MSRA: variants seen among roughly 807,000 people sequenced by gnomAD.
MSRA encodes the protein mitochondrial peptide methionine sulfoxide reductase.
In MSRA, 54 loss-of-function variants were observed where a neutral mutation model predicts 31.3. The observed-to-expected ratio is 1.73, with a 90% CI of 1.39 to 2.17. MSRA has a LOEUF of 2.17. MSRA is among the 30% of genes most tolerant of loss of function. The probability of loss-of-function intolerance (pLI) is 0.00; values close to 1 mark genes in which losing one functional copy is unlikely to be tolerated. For synonymous variants in MSRA, 169 were observed against 116.5 expected, an observed-to-expected ratio of 1.45 and a Z score of -2.90; for missense variants, 507 against 300.9, an observed-to-expected ratio of 1.69 and a Z score of -5.07.
At chr8:10,346,244 C>G (rs1803766905) in intron 5 of MSRA, among the ~76,000 whole-genome samples, 1 of 152,192 alleles carries the variant, frequency 6.6e-6, no homozygotes, top group Admixed American at 6.5e-5. Context: ...TTCACTGAAC[C>G]TAGTCCTGAA....
At chr8:10,421,228 G>A (rs1414568869) in intron 5 of MSRA, among the ~76,000 whole-genome samples, 1 of 152,176 alleles carries the variant, frequency 6.6e-6, no homozygotes. Context: ...GCTGGCCTCG[G>A]CTGCTGACCG....
At chr8:10,356,924 G>C (rs996920103) in intron 5 of MSRA, among the ~76,000 whole-genome samples, 1 of 146,360 alleles carries the variant, frequency 6.8e-6, no homozygotes, top group South Asian at 2.2e-4. Flanking sequence ...ATGTGTCTTT[G>C]AAGTCTCCTT....
At chr8:10,334,447 G>T (rs1039152036) in intron 5 of MSRA, among the ~76,000 whole-genome samples, 1 of 151,970 alleles carries the variant, frequency 6.6e-6, no homozygotes, top group Non-Finnish European at 1.5e-5. Flanking sequence ...CGGGGGGGAG[G>T]TGCAGGGACG....
intron 2 of MSRA, among the ~76,000 whole-genome samples, chr8:10,211,094 G>A (rs1329295551): frequency 6.6e-6 from 1 of 151,982 alleles, no homozygotes; most frequent in Non-Finnish European, 1.5e-5. Flanking sequence ...GAATGCTACC[G>A]AAATAAGAAC....
intron 2 of MSRA, among the ~76,000 whole-genome samples, chr8:10,226,691 A>G (rs1811030090): frequency 6.6e-6 from 1 of 152,174 alleles, no homozygotes; most frequent in Non-Finnish European, 1.5e-5. Context: ...GTGTGCATAT[A>G]TGAGTATATA....
At chr8:10,386,925 C>T (rs1168587332) in intron 5 of MSRA, among the ~76,000 whole-genome samples, 5 of 150,606 alleles carry the variant, frequency 3.3e-5, no homozygotes, top group African/African-American at 1.2e-4. Context: ...AAATTAGCCC[C>T]AAAGGCATGG....
intron 4 of MSRA, among the ~76,000 whole-genome samples, chr8:10,310,373 C>T (rs941187029): frequency 1.3e-5 from 2 of 152,226 alleles, no homozygotes; most frequent in African/African-American, 2.4e-5. Flanking sequence ...ATTGTTCTTT[C>T]AGTCACACTT....
chr8:10,162,865 C>T lies in MSRA; in HGVS notation c.143-44968C>T, dbSNP rs552802257. On this transcript the variant is annotated intron_variant, in intron 1 of 5. Transcript: ENST00000317173. The stretch of plus-strand genomic sequence containing the variant: ...GGAGAACTCATTGGAGCCCTCCCCG[C>T]CTCAGCCACGACAGTCGTGTGTAAA... Among the ~76,000 whole-genome samples the T allele has an allele frequency of 2.0e-5, 3 of 152,290 alleles. No homozygotes were observed. The East Asian group carries it at 5.8e-4, about 29-fold the overall frequency.
chr8:10,334,793 CACTT>C (rs1182369380), intron 5 of MSRA, among the ~76,000 whole-genome samples: 8 of 152,230 alleles, frequency 5.3e-5, no homozygotes, highest in African/African-American at 1.4e-4. Flanking sequence ...TCCCGCTTTG[CACTT>C]ACTTCAAAAT....
intron 1 of MSRA, among the ~76,000 whole-genome samples, chr8:10,197,181 T>G (rs575253155): frequency 6.6e-6 from 1 of 152,188 alleles, no homozygotes; most frequent in Non-Finnish European, 1.5e-5. Flanking sequence ...AGGAATTACT[T>G]GTGTTAATAG....
Position 10,245,208 on chromosome 8 carries a change from A to G in MSRA, c.316A>G (p.Lys106Glu). ...AGGYTSNPTY[K>E]EVCSEKTGHA... is the part of the protein sequence containing the mutation. ...AGGCTATACTTCAAATCCTACTTAT[A>G]AAGAAGTCTGCTCAGGTAGGAAGAA... The change falls in exon 3 of 6, where the codon AAA becomes GAA. Residue 106 changes from lysine to glutamate, a missense_variant. Transcript: ENST00000317173. 1 of 1,613,362 alleles carries G rather than the reference A, an allele frequency of 6.2e-7. No individual in the cohort carries two copies. The highest frequency in any genetic ancestry group is 8.5e-7 in the Non-Finnish European group (1 of 1,179,604).
At chr8:10,416,937 C>T (rs1458073085) in intron 5 of MSRA, among the ~76,000 whole-genome samples, 1 of 152,180 alleles carries the variant, frequency 6.6e-6, no homozygotes, top group Non-Finnish European at 1.5e-5. Context: ...GAGAAATATC[C>T]TTAGCAGTCT....
At position 10,223,583 on chromosome 8, in the gene MSRA, A is replaced by G. The variant is rs115373637; in HGVS notation, c.211+15682A>G. The stretch of plus-strand genomic sequence containing the variant: ...TAGCACATAGAGAAAAACTATTGTT[A>G]TGGAATGAACAGATCGTCAGTGATT... On this transcript the variant is annotated intron_variant, in intron 2 of 5. Transcript: ENST00000317173. Among the ~76,000 whole-genome samples, 276 of 152,324 alleles carry G rather than the reference A, an allele frequency of 1.8e-3. 2 individuals carry two copies. Among genetic ancestry groups the G allele is most frequent in the African/African-American group, 6.4e-3 (266 of 41,582 alleles).
chr8:10,179,586 C>T (rs1270668015), intron 1 of MSRA, among the ~76,000 whole-genome samples: 2 of 152,296 alleles, frequency 1.3e-5, no homozygotes, highest in East Asian at 3.9e-4. Flanking sequence ...GTCTTGCTTT[C>T]TTCTTTGTTG....
intron 1 of MSRA, among the ~76,000 whole-genome samples, chr8:10,123,297 T>C (rs1305738953): frequency 6.6e-6 from 1 of 152,230 alleles, no homozygotes; most frequent in African/African-American, 2.4e-5. Flanking sequence ...ACTTCTTTTT[T>C]ATATGATTGT....
chr8:10,054,526 G>T lies in MSRA; in HGVS notation c.10G>T (p.Ala4Ser). Residue 4 changes from alanine (A) to serine (S), a missense_variant, in exon 1 of 6, where the codon GCC (alanine) becomes TCC (serine). Ala to Ser is a moderately conservative substitution (Grantham distance 99, BLOSUM62 1). Coordinates refer to ENST00000317173, the MANE Select transcript of MSRA (RefSeq NM_012331.5). MLS[A>S]TRRACQLLLL... The stretch of plus-strand genomic sequence containing the variant: ...CGGCTGGCGCCCTCCCATGCTCTCG[G>T]CCACCCGGAGGGCTTGCCAGCTCCT... 6.3e-7 allele frequency: 1 copy of T among 1,583,202 alleles called. No individual in the cohort carries two copies. Among genetic ancestry groups the T allele is most frequent in the Non-Finnish European group, 8.6e-7 (1 of 1,165,356 alleles).
At chr8:10,183,772 C>CTTGTGG (rs1490553735) in intron 1 of MSRA, among the ~76,000 whole-genome samples, 2 of 141,892 alleles carry the variant, frequency 1.4e-5, no homozygotes, top group Admixed American at 6.9e-5. Flanking sequence ...ACAAGCTGAG[C>CTTGTGG]TGGTGGTGGT....
At chr8:10,403,324 G>A (rs1025022904) in intron 5 of MSRA, among the ~76,000 whole-genome samples, 6 of 152,186 alleles carry the variant, frequency 3.9e-5, no homozygotes, top group African/African-American at 1.4e-4. Context: ...CAGCCAACGA[G>A]AAAAAGCCCT....
At chr8:10,418,962 A>G (rs1808647823) in intron 5 of MSRA, among the ~76,000 whole-genome samples, 1 of 151,838 alleles carries the variant, frequency 6.6e-6, no homozygotes, top group African/African-American at 2.4e-5. Flanking sequence ...TGTCTCCAAA[A>G]ACAAAACAAA....
Sources: gnomAD v4.1 joint callset for allele counts (sites outside exome capture counted in the v4.1 genomes callset) on GRCh38, gnomAD v4.1.1 for gene constraint, MANE v1.5 for transcripts, NCBI Gene and HGNC (gene_info 2026-07-23, HGNC 2026-07-21) for gene names.